The following NCOA3 variants were observed in gnomAD, a reference collection of about 807,000 sequenced individuals.
NCOA3 encodes nuclear receptor coactivator 3.
Under a neutral mutation model 158.8 loss-of-function variants are expected in NCOA3, and 51 were observed. That is an observed-to-expected ratio of 0.32 (90% CI 0.26 to 0.41). NCOA3 has a LOEUF of 0.41. NCOA3 is among the 10% of genes least tolerant of loss of function. The pLI is 1.00. For missense variants in NCOA3, 1,510 were observed against 1,746.6 expected, an observed-to-expected ratio of 0.86 and a Z score of 2.41; for synonymous variants, 537 against 592.4, an observed-to-expected ratio of 0.91 and a Z score of 1.36.
intron 1 of NCOA3, among the ~76,000 whole-genome samples, chr20:47,519,252 T>A (rs940499434): frequency 6.6e-6 from 1 of 151,620 alleles, no homozygotes; most frequent in Non-Finnish European, 1.5e-5. Context: ...CTGGCTAACA[T>A]GGTGAAATGC....
intron 12 of NCOA3, 65 bp downstream of exon 12, chr20:47,636,827 T>C (rs1296749586): frequency 2.1e-6 from 3 of 1,416,212 alleles, no homozygotes; most frequent in Non-Finnish European, 2.9e-6. Flanking sequence ...TAATGTGATA[T>C]AAAAATTCTT....
At chr20:47,533,128 A>G (rs2084573381) in intron 1 of NCOA3, among the ~76,000 whole-genome samples, 1 of 148,910 alleles carries the variant, frequency 6.7e-6, no homozygotes, top group South Asian at 2.1e-4. Flanking sequence ...AAAAAAAAAA[A>G]AAAAATTAAC....
chr20:47,646,278 A>G (rs1211147115), intron 17 of NCOA3, among the ~76,000 whole-genome samples: 2 of 152,214 alleles, frequency 1.3e-5, no homozygotes, highest in Non-Finnish European at 2.9e-5. Context: ...GACTGTGTGT[A>G]TTCAGTCAGG....
In NCOA3 at chr20:47,639,053, A is replaced by T. The variant is rs771074088; in HGVS notation, c.2558A>T (p.Asn853Ile). ...GTGCAGTCTATTCGTCCTCCATATA[A>T]CCGAGCAGTGTCTCTGGATAGCCCT... Reference protein sequence around the residue: ...QSVQSIRPPYNRAVSLDSPVS... With the variant: ...QSVQSIRPPYIRAVSLDSPVS... Residue 853 changes from asparagine (N) to isoleucine (I), a missense_variant, in exon 14 of 23, where the codon AAC becomes ATC. By Grantham distance (149) the Asn-to-Ile change is moderately radical. Transcript: ENST00000371998. The T allele has an allele frequency of 6.2e-7, 1 of 1,614,116 alleles. No individual in the cohort carries two copies. Among genetic ancestry groups the T allele is most frequent in the Non-Finnish European group, 8.5e-7 (1 of 1,180,018 alleles).
chr20:47,606,966 G>C (rs1376050734), intron 2 of NCOA3, among the ~76,000 whole-genome samples: 1 of 152,184 alleles, frequency 6.6e-6, no homozygotes. Context: ...TGACATTAAT[G>C]AATGTGGGTT....
rs550011018 is a variant in NCOA3 at position 47,505,872 on chromosome 20, G to T, written c.-99+3853G>T. 5.1e-4 allele frequency among the ~76,000 whole-genome samples: 77 copies of T among 149,754 alleles called. 1 individual carries two copies. Among genetic ancestry groups the T allele is most frequent in the African/African-American group, 1.5e-3 (61 of 40,652 alleles). On this transcript the variant is annotated intron_variant, in intron 1 of 22. Transcript: ENST00000371998. Reference sequence around the variant, plus strand: ...GCTGGAGTGCAGTGGCATGATCTCGGCTCACTGCAACCTCTGCCTCCCAGG... The same window carrying T: ...GCTGGAGTGCAGTGGCATGATCTCGTCTCACTGCAACCTCTGCCTCCCAGG...
intron 4 of NCOA3, 116 bp downstream of exon 4, chr20:47,624,199 G>T: frequency 1.2e-6 from 1 of 809,994 alleles, no homozygotes; most frequent in East Asian, 2.6e-5. Context: ...GATGGTTTCA[G>T]GATGATTCAA....
Position 47,571,027 on chromosome 20 carries a change from CAG to C in NCOA3, c.-98-12153_-98-12152del, listed in dbSNP as rs568477472. ...GTATATACATTTTTTTTTTCCCATA[CAG>C]AGTCTTGCTCTGTCATCCAGGTTGG... is the stretch of plus-strand genomic sequence containing the variant. On this transcript the variant is annotated intron_variant, in intron 1 of 22. Coordinates refer to ENST00000371998, the MANE Select transcript of NCOA3 (RefSeq NM_181659.3). 1.7e-4 allele frequency among the ~76,000 whole-genome samples: 21 copies of C among 126,944 alleles called. No homozygotes were observed. The East Asian group carries it at 3.8e-3, about 23-fold the overall frequency. 83.3% of individuals were successfully genotyped at this position (126,944 alleles called of 152,430 possible).
chr20:47,632,558 T>C (rs1221166068), intron 8 of NCOA3, among the ~76,000 whole-genome samples: 2 of 151,818 alleles, frequency 1.3e-5, no homozygotes, highest in East Asian at 3.9e-4. Context: ...CAGCTAAGTT[T>C]TGTATTCTTA....
intron 1 of NCOA3, among the ~76,000 whole-genome samples, chr20:47,507,177 C>T (rs992408498): frequency 1.3e-5 from 2 of 152,284 alleles, no homozygotes; most frequent in African/African-American, 2.4e-5. Flanking sequence ...CCCATTATAA[C>T]GAACTCCAGG....
intron 1 of NCOA3, among the ~76,000 whole-genome samples, chr20:47,529,336 C>T (rs931424544): frequency 2.2e-4 from 34 of 151,814 alleles, no homozygotes; most frequent in African/African-American, 7.5e-4. Context: ...CCAGGCTGGT[C>T]TCTAACTCCT....
chr20:47,586,961 C>T (rs2085545392), intron 2 of NCOA3, among the ~76,000 whole-genome samples: 1 of 152,006 alleles, frequency 6.6e-6, no homozygotes, highest in Admixed American at 6.6e-5. Context: ...GTTTTTTTGC[C>T]CTCTCTTTTG....
intron 1 of NCOA3, among the ~76,000 whole-genome samples, chr20:47,522,045 T>C (rs2084343291): frequency 6.6e-6 from 1 of 151,722 alleles, no homozygotes; most frequent in South Asian, 2.1e-4. Flanking sequence ...TTTCATTTAT[T>C]TAGGTCTTAT....
rs190887703 is a variant in NCOA3 at position 47,562,097 on chromosome 20, G to A, written c.-98-21086G>A. ...CCCTGTCTTTTTATGACTTGATAGC[G>A]TATTTCTTTACAGTGCTGAATGAGA... On this transcript the variant is annotated intron_variant, in intron 1 of 22. Coordinates refer to ENST00000371998, the MANE Select transcript of NCOA3 (RefSeq NM_181659.3). 6.6e-4 allele frequency among the ~76,000 whole-genome samples: 100 copies of A among 152,022 alleles called. 1 individual carries two copies. Among genetic ancestry groups the A allele is most frequent in the South Asian group, 2.1e-4 (1 of 4,824 alleles).
At chr20:47,541,056 T>A (rs1244563911) in intron 1 of NCOA3, among the ~76,000 whole-genome samples, 1 of 152,040 alleles carries the variant, frequency 6.6e-6, no homozygotes, top group Non-Finnish European at 1.5e-5. Context: ...GAAAAGTAGA[T>A]CATGCTTTCT....
chr20:47,547,982 C>T (rs1004866080), intron 1 of NCOA3, among the ~76,000 whole-genome samples: 1 of 151,780 alleles, frequency 6.6e-6, no homozygotes, highest in African/African-American at 2.4e-5. Context: ...CCACCTGCCT[C>T]GACCTCCCAA....
intron 1 of NCOA3, among the ~76,000 whole-genome samples, chr20:47,550,446 G>GGA (rs74178744): frequency 5.1e-4 from 60 of 117,730 alleles, no homozygotes; most frequent in African/African-American, 1.9e-3. Context: ...CTCCGTCTCA[G>GGA]AAAAAAAAAA....
At position 47,558,232 on chromosome 20, in the gene NCOA3, A is replaced by ATTT. The variant is rs71183263; in HGVS notation, c.-98-24924_-98-24922dup. 5.0e-4 allele frequency among the ~76,000 whole-genome samples: 28 copies of ATTT among 55,524 alleles called. 3 individuals are homozygous for ATTT. Among genetic ancestry groups the ATTT allele is most frequent in the East Asian group, 1.8e-3 (3 of 1,666 alleles). 36.4% of individuals were successfully genotyped at this position (55,524 alleles called of 152,430 possible). ...CACCTCCACGCCCAGCTAATTTTGT[A>ATTT]TTTTTTTTTTTTTTTTTTTTTTTTT... On this transcript the variant is annotated intron_variant, in intron 1 of 22. Coordinates refer to ENST00000371998, the MANE Select transcript of NCOA3 (RefSeq NM_181659.3).
chr20:47,633,382 G>A (rs2086454637), intron 8 of NCOA3, 114 bp from the exon 9 acceptor site: 1 of 1,018,032 alleles, frequency 9.8e-7, no homozygotes, highest in Admixed American at 2.9e-5. Context: ...CAGAGAAGGT[G>A]GAGCAAAGAT....
Sources: allele counts gnomAD v4.1 joint callset (sites outside exome capture counted in the v4.1 genomes callset), GRCh38; gene constraint gnomAD v4.1.1; transcripts MANE v1.5; gene names NCBI Gene and HGNC (gene_info 2026-07-23, HGNC 2026-07-21).